Variants in ASCC3 observed in about 807,000 individuals in gnomAD.
ASCC3 encodes ASC-1 complex subunit P200.
ASCC3 carries 158 observed loss-of-function variants against 256.3 expected under a neutral mutation model. The ratio of observed to expected loss-of-function variants is 0.62; its 90% CI spans 0.54 to 0.70. The LOEUF (loss-of-function observed/expected upper bound fraction) is 0.70. ASCC3 is among the 30% of genes least tolerant of loss of function. The probability of loss-of-function intolerance (pLI) is 0.00; values close to 1 mark genes in which losing one functional copy is unlikely to be tolerated. For synonymous variants in ASCC3, 948 were observed against 883.4 expected, an observed-to-expected ratio of 1.07 and a Z score of -1.30; for missense variants, 2,259 against 2,626.0, an observed-to-expected ratio of 0.86 and a Z score of 3.05.
chr6:100,774,271 C>T (rs1185410728), intron 8 of ASCC3, among the ~76,000 whole-genome samples: 2 of 152,152 alleles, frequency 1.3e-5, no homozygotes, highest in South Asian at 2.1e-4. Flanking sequence ...AATCCTCCTG[C>T]CTCAACCTTC....
At chr6:100,623,980 G>T (rs375070808) in intron 30 of ASCC3, among the ~76,000 whole-genome samples, 11 of 151,850 alleles carry the variant, frequency 7.2e-5, no homozygotes, top group Non-Finnish European at 1.3e-4. Flanking sequence ...GTGGGAGGAG[G>T]GGGGAGGGAT....
At chr6:100,763,089 A>C (rs1310506048) in intron 10 of ASCC3, among the ~76,000 whole-genome samples, 2 of 152,206 alleles carry the variant, frequency 1.3e-5, no homozygotes, top group East Asian at 3.8e-4. Flanking sequence ...AAACTCCACA[A>C]AAAAAGTTGA....
intron 40 of ASCC3, among the ~76,000 whole-genome samples, chr6:100,510,621 A>G (rs945207999): frequency 2.0e-5 from 3 of 152,232 alleles, no homozygotes; most frequent in Non-Finnish European, 4.4e-5. Context: ...TCATCCAAGA[A>G]TAAAACTCAC....
chr6:100,822,039 A>G lies in ASCC3; in HGVS notation c.802-16159T>C, dbSNP rs564581258. 1.2e-3 allele frequency among the ~76,000 whole-genome samples: 186 copies of G among 152,228 alleles called. 1 individual carries two copies. The highest frequency in any genetic ancestry group is 1.5e-3 in the Non-Finnish European group (99 of 68,020). On this transcript the variant is annotated intron_variant, in intron 4 of 41. Coordinates refer to ENST00000369162, the MANE Select transcript of ASCC3 (RefSeq NM_006828.4). ...AGGGAGAAGGAGAATGGAAGATGGTAGTTAAAGGTCAAAGATTTCTTTTTG... is the reference window on the plus strand; with the variant it reads ...AGGGAGAAGGAGAATGGAAGATGGTGGTTAAAGGTCAAAGATTTCTTTTTG...
intron 36 of ASCC3, among the ~76,000 whole-genome samples, chr6:100,584,855 C>A (rs1208544225): frequency 6.6e-6 from 1 of 152,054 alleles, no homozygotes; most frequent in African/African-American, 2.4e-5. Flanking sequence ...CTTAGTTTGG[C>A]TGGATATGAA....
At chr6:100,810,315 C>G (rs1300963636) in intron 4 of ASCC3, among the ~76,000 whole-genome samples, 2 of 152,098 alleles carry the variant, frequency 1.3e-5, no homozygotes, top group African/African-American at 2.4e-5. Context: ...CAAATAATAA[C>G]TCTTCTCCAC....
chr6:100,521,030 A>C (rs1056666856), intron 37 of ASCC3, among the ~76,000 whole-genome samples: 1 of 152,158 alleles, frequency 6.6e-6, no homozygotes, highest in African/African-American at 2.4e-5. Context: ...AGCACAGTGC[A>C]CTCAAGAAAT....
intron 37 of ASCC3, among the ~76,000 whole-genome samples, chr6:100,531,605 A>ATGTGACTAGAGTATCACATG (rs1774879664): frequency 6.6e-6 from 1 of 151,596 alleles, no homozygotes; most frequent in East Asian, 1.9e-4. Context: ...TGTGTTGTTG[A>ATGTGACTAGAGTATCACATG]TGTGACTAGA....
At position 100,817,897 on chromosome 6, in the gene ASCC3, C is replaced by T. The variant is rs527275971; in HGVS notation, c.802-12017G>A. ...TACAAAAAGAGAAGAAAACACTTCC[C>T]GATTCATTTTAGGACAGTATTACTC... On this transcript the variant is annotated intron_variant, in intron 4 of 41. Coordinates refer to ENST00000369162, the MANE Select transcript of ASCC3 (RefSeq NM_006828.4). Among the ~76,000 whole-genome samples, 4 of 152,010 alleles carry T rather than the reference C, an allele frequency of 2.6e-5. No individual in the cohort carries two copies. In the South Asian group the frequency reaches 6.2e-4, roughly 24 times the overall value.
chr6:100,675,276 ACT>A (rs1776955687), intron 14 of ASCC3, among the ~76,000 whole-genome samples: 1 of 152,058 alleles, frequency 6.6e-6, no homozygotes, highest in Admixed American at 6.5e-5. Context: ...GAAAGAATAA[ACT>A]CTGTGAAGAT....
intron 36 of ASCC3, among the ~76,000 whole-genome samples, chr6:100,560,748 A>AACAC (rs747539213): frequency 0.087 from 11,651 of 133,800 alleles, 670 homozygotes; most frequent in East Asian, 0.27. Context: ...ATCTTAGAGG[A>AACAC]ACACACACAC....
chr6:100,761,046 G>C (rs1399960762), intron 10 of ASCC3, among the ~76,000 whole-genome samples: 1 of 151,962 alleles, frequency 6.6e-6, no homozygotes, highest in Non-Finnish European at 1.5e-5. Context: ...TAAAACTGTT[G>C]GAAACTAAAG....
intron 36 of ASCC3, among the ~76,000 whole-genome samples, chr6:100,544,881 T>C (rs753678116): frequency 6.6e-6 from 1 of 152,244 alleles, no homozygotes; most frequent in Non-Finnish European, 1.5e-5. Flanking sequence ...AACCACAAAA[T>C]ATCTCTCATA....
intron 3 of ASCC3, among the ~76,000 whole-genome samples, chr6:100,860,548 A>C (rs1489448687): frequency 6.6e-6 from 1 of 151,928 alleles, no homozygotes; most frequent in Non-Finnish European, 1.5e-5. Context: ...TGGATTCTCT[A>C]TACTTCATTT....
In ASCC3 at chr6:100,601,872, C is replaced by T. The variant is rs61746540; in HGVS notation, c.5241G>A (p.Lys1747=). The part of the protein sequence containing the change: ...AEIAGGTITS[K]QDALDYITWT... ...AGGTGATATAATCCAATGCATCTTG[C>T]TTAGATGTAATTGTACCACCAGCAA... Residue 1747 remains lysine (K), a synonymous_variant, in exon 34 of 42, where the codon AAG becomes AAA. Coordinates refer to ENST00000369162, the MANE Select transcript of ASCC3 (RefSeq NM_006828.4). 0.021 allele frequency: 34,585 copies of T among 1,612,524 alleles called. 456 individuals carry two copies. The highest frequency in any genetic ancestry group is 0.055 in the African/African-American group (4,154 of 74,922).
chr6:100,718,715 G>A (rs1337694890), intron 11 of ASCC3, among the ~76,000 whole-genome samples: 2 of 151,930 alleles, frequency 1.3e-5, no homozygotes, highest in East Asian at 1.9e-4. Context: ...TCCAACATCG[G>A]TGACAGAGTA....
chr6:100,819,010 T>C (rs1206998930), intron 4 of ASCC3, among the ~76,000 whole-genome samples: 4 of 152,142 alleles, frequency 2.6e-5, no homozygotes, highest in African/African-American at 9.7e-5. Context: ...TTCATGTCCT[T>C]TGCAGGGACA....
chr6:100,729,161 A>G (rs1030989106), intron 10 of ASCC3, among the ~76,000 whole-genome samples: 1 of 152,190 alleles, frequency 6.6e-6, no homozygotes, highest in Non-Finnish European at 1.5e-5. Context: ...ATCAAAATCA[A>G]AATAGCCATT....
intron 8 of ASCC3, among the ~76,000 whole-genome samples, chr6:100,795,922 T>C (rs1482745338): frequency 6.6e-6 from 1 of 152,174 alleles, no homozygotes; most frequent in African/African-American, 2.4e-5. Flanking sequence ...ATTCTGTTAA[T>C]GTCTATTTTT....
Sources: gnomAD v4.1 joint callset for allele counts (sites outside exome capture counted in the v4.1 genomes callset) on GRCh38, gnomAD v4.1.1 for gene constraint, MANE v1.5 for transcripts, NCBI Gene and HGNC (gene_info 2026-07-23, HGNC 2026-07-21) for gene names.